The following ROBO2 variants were observed in gnomAD, a reference collection of about 807,000 sequenced individuals.
ROBO2 encodes the protein roundabout guidance receptor 2, also known as roundabout homolog 2.
In ROBO2, 53 loss-of-function variants were observed where a neutral mutation model predicts 160.8. The ratio of observed to expected loss-of-function variants is 0.33; its 90% confidence interval spans 0.26 to 0.41. ROBO2 has a LOEUF of 0.41. Among genes scored for constraint, ROBO2 ranks in the 10% least tolerant of loss-of-function variants. The probability of loss-of-function intolerance (pLI) is 1.00; values close to 1 mark genes in which losing one functional copy is unlikely to be tolerated. For synonymous variants in ROBO2, 664 were observed against 611.7 expected (o/e 1.09, Z -1.26); for missense variants, 1,577 against 1,722.4 (o/e 0.92, Z 1.49).
At chr3:76,193,697 A>G (rs1001281992) in intron 2 of ROBO2, among the ~76,000 whole-genome samples, 2 of 152,216 alleles carry the variant, frequency 1.3e-5, no homozygotes, top group African/African-American at 4.8e-5. Context: ...TGTCAGTGAG[A>G]CATATTTTAA....
chr3:77,496,632 G>A (rs2086822465), intron 5 of ROBO2, among the ~76,000 whole-genome samples: 1 of 152,122 alleles, frequency 6.6e-6, no homozygotes, highest in Non-Finnish European at 1.5e-5. Flanking sequence ...TTGTGTAGTG[G>A]TTCATGCTTA....
chr3:76,332,982 G>C (rs1241036497), intron 2 of ROBO2, among the ~76,000 whole-genome samples: 1 of 152,188 alleles, frequency 6.6e-6, no homozygotes, highest in Non-Finnish European at 1.5e-5. Flanking sequence ...CTTCCTAGCG[G>C]TTTTGATTCA....
chr3:76,314,030 AG>A (rs1317662771), intron 2 of ROBO2, among the ~76,000 whole-genome samples: 4 of 152,216 alleles, frequency 2.6e-5, no homozygotes, highest in African/African-American at 9.6e-5. Flanking sequence ...TTTGGAAAAA[AG>A]GCAGATTATT....
At chr3:76,858,417 C>T (rs1172071097) in intron 2 of ROBO2, among the ~76,000 whole-genome samples, 2 of 152,104 alleles carry the variant, frequency 1.3e-5, no homozygotes, top group South Asian at 2.1e-4. Flanking sequence ...GCACCCGCCA[C>T]CACACGTGGC....
intron 1 of ROBO2, among the ~76,000 whole-genome samples, chr3:77,067,028 T>TCACACACACA (rs144228628): frequency 5.0e-4 from 68 of 136,932 alleles, no homozygotes; most frequent in African/African-American, 1.6e-3. Context: ...ACACACACAC[T>TCACACACACA]CACACACACA....
intron 1 of ROBO2, among the ~76,000 whole-genome samples, chr3:77,090,929 A>C (rs1451966882): frequency 6.6e-6 from 1 of 152,192 alleles, no homozygotes; most frequent in Non-Finnish European, 1.5e-5. Context: ...TAAAACAGAC[A>C]TAGTTATGGC....
intron 2 of ROBO2, among the ~76,000 whole-genome samples, chr3:77,297,501 G>C (rs896521989): frequency 3.3e-5 from 5 of 152,106 alleles, no homozygotes; most frequent in Non-Finnish European, 7.4e-5. Flanking sequence ...TCCTTTACAG[G>C]CAGATCTGGT....
chr3:76,793,305 C>A (rs1017927685), intron 2 of ROBO2, among the ~76,000 whole-genome samples: 6 of 151,790 alleles, frequency 4.0e-5, no homozygotes, highest in Non-Finnish European at 8.8e-5. Flanking sequence ...TATTATCTCA[C>A]CCTGATCATT....
chr3:76,983,554 A>G (rs1559798938), intron 2 of ROBO2, among the ~76,000 whole-genome samples: 1 of 152,152 alleles, frequency 6.6e-6, no homozygotes, highest in African/African-American at 2.4e-5. Flanking sequence ...TTTCCACCCA[A>G]TATTGGAATA....
intron 2 of ROBO2, among the ~76,000 whole-genome samples, chr3:77,430,732 C>A (rs1347403797): frequency 2.0e-5 from 3 of 152,138 alleles, no homozygotes; most frequent in Non-Finnish European, 4.4e-5. Context: ...GACTTCCTAA[C>A]CTCCAGAACT....
chr3:76,353,776 T>G (rs1362609564), intron 2 of ROBO2, among the ~76,000 whole-genome samples: 1 of 151,916 alleles, frequency 6.6e-6, no homozygotes, highest in East Asian at 1.9e-4. Flanking sequence ...AGAAAATATA[T>G]TTTCTTAGAA....
intron 6 of ROBO2, among the ~76,000 whole-genome samples, chr3:77,544,393 T>C (rs1202463744): frequency 6.6e-6 from 1 of 152,128 alleles, no homozygotes; most frequent in African/African-American, 2.4e-5. Flanking sequence ...TTTTCCATAC[T>C]GCTAGAATGA....
Position 77,164,904 on chromosome 3 carries a change from G to A in ROBO2, c.388+66564G>A, listed in dbSNP as rs1295200317. ...AGGGAGGTGGGGGGGTCAGCCCCCC[G>A]CCCGGCCAGCCGCCCCGTCCGGGAG... On this transcript the variant is annotated intron_variant, in intron 2 of 25. Transcript: ENST00000461745. Among the ~76,000 whole-genome samples the A allele has an allele frequency of 8.8e-5, 9 of 102,672 alleles. 1 individual carries two copies. Among genetic ancestry groups the A allele is most frequent in the South Asian group, 6.1e-4 (2 of 3,292 alleles). 67.4% of individuals were successfully genotyped at this position (102,672 alleles called of 152,430 possible).
At chr3:76,302,155 T>A (rs1371990511) in intron 2 of ROBO2, among the ~76,000 whole-genome samples, 2 of 152,102 alleles carry the variant, frequency 1.3e-5, no homozygotes, top group Non-Finnish European at 2.9e-5. Flanking sequence ...GGCTATATGA[T>A]AAGCCTACAG....
chr3:76,649,069 T>C (rs2091126988), intron 2 of ROBO2, among the ~76,000 whole-genome samples: 1 of 152,084 alleles, frequency 6.6e-6, no homozygotes, highest in South Asian at 2.1e-4. Flanking sequence ...TCAAATCCAG[T>C]ATAGTAGGAA....
At chr3:77,538,280 G>C (rs146801636) in intron 6 of ROBO2, among the ~76,000 whole-genome samples, 1 of 144,924 alleles carries the variant, frequency 6.9e-6, no homozygotes, top group Non-Finnish European at 1.5e-5. Flanking sequence ...CCGGGTTCAC[G>C]CCATTCTCCT....
At chr3:76,251,509 T>C (rs903276223) in intron 2 of ROBO2, among the ~76,000 whole-genome samples, 1 of 152,094 alleles carries the variant, frequency 6.6e-6, no homozygotes, top group African/African-American at 2.4e-5. Flanking sequence ...GGTAAAATGG[T>C]CAATTTCTGT....
intron 2 of ROBO2, among the ~76,000 whole-genome samples, chr3:77,210,597 T>C (rs571613585): frequency 9.8e-5 from 15 of 152,314 alleles, no homozygotes; most frequent in Admixed American, 3.9e-4. Flanking sequence ...CAAATAATTT[T>C]TTTATTATAC....
intron 2 of ROBO2, among the ~76,000 whole-genome samples, chr3:76,132,087 A>T (rs1049312628): frequency 5.9e-5 from 9 of 152,124 alleles, no homozygotes; most frequent in Admixed American, 1.3e-4. Flanking sequence ...GGATTGCAGG[A>T]GTCAGTGTAT....
Sources: gnomAD v4.1 joint callset for allele counts (sites outside exome capture counted in the v4.1 genomes callset) on GRCh38, gnomAD v4.1.1 for gene constraint, MANE v1.5 for transcripts, NCBI Gene and HGNC (gene_info 2026-07-23, HGNC 2026-07-21) for gene names.